Variants in TRAF3IP3 observed in about 807,000 individuals in gnomAD.
TRAF3IP3 encodes the protein TRAF3 interacting protein 3, also known as TRAF3-interacting JNK-activating modulator.
Under a neutral mutation model 86.5 loss-of-function variants are expected in TRAF3IP3, and 64 were observed. The observed-to-expected ratio is 0.74, with a 90% CI of 0.60 to 0.91. The LOEUF is 0.91. TRAF3IP3 is among the 40% of genes least tolerant of loss of function. The pLI is 0.00. For synonymous variants in TRAF3IP3, 220 were observed against 243.9 expected (o/e 0.90, Z 0.91); for missense variants, 579 against 642.9 (o/e 0.90, Z 1.07).
chr1:209,770,782 TGTGTGTGTGTGCATATGGAG>T (rs1558019395), intron 8 of TRAF3IP3, among the ~76,000 whole-genome samples: 8 of 46,796 alleles, frequency 1.7e-4, no homozygotes, highest in African/African-American at 6.3e-4. Context: ...CCTATGGAGG[TGTGTGTGTGTGCATATGGAG>T]GTGTGTGTGT....
chr1:209,777,890 C>T lies in TRAF3IP3; in HGVS notation c.1190-221C>T, dbSNP rs1285320040. Reference sequence around the variant, plus strand: ...TAGAGAGGACTAGATAGTGTGTAAACACAAGCCTCAATGCAACCCAACATT... The same window carrying T: ...TAGAGAGGACTAGATAGTGTGTAAATACAAGCCTCAATGCAACCCAACATT... On this transcript the variant is annotated intron_variant, in intron 12 of 16. Transcript: ENST00000367025. 2.4e-5 allele frequency: 14 copies of T among 592,104 alleles called. No homozygotes were observed. The African/African-American group carries it at 2.4e-4, about 10-fold the overall frequency. 36.7% of individuals were successfully genotyped at this position (592,104 alleles called of 1,614,324 possible).
At chr1:209,759,906 C>T in intron 2 of TRAF3IP3, 76 bp from the exon 3 acceptor site, 2 of 698,810 alleles carry the variant, frequency 2.9e-6, no homozygotes, top group Non-Finnish European at 4.9e-6. Flanking sequence ...ATTTCTGCCC[C>T]CTGGTCTAGG....
intron 1 of TRAF3IP3, among the ~76,000 whole-genome samples, chr1:209,756,563 G>A (rs948099875): frequency 3.9e-5 from 6 of 152,196 alleles, no homozygotes; most frequent in Non-Finnish European, 8.8e-5. Flanking sequence ...TGAGTCAAAC[G>A]ACTTAGAGTT....
intron 6 of TRAF3IP3, 76 bp from the exon 7 acceptor site, chr1:209,763,287 C>A: frequency 6.4e-7 from 1 of 1,554,584 alleles, no homozygotes; most frequent in Non-Finnish European, 8.9e-7. Context: ...CACAAGCCAG[C>A]CCAGGCTCTG....
chr1:209,777,290 G>GC lies in TRAF3IP3; in HGVS notation c.1054-56dup. On this transcript the variant is annotated intron_variant, in intron 11 of 16. Transcript: ENST00000367025. The stretch of plus-strand genomic sequence containing the variant: ...TACATTTTCCTCTTCCATGGTACCC[G>GC]CCCCCCAACCTCCACCCCAACACTG... 7 of 1,433,720 alleles carry GC rather than the reference G, an allele frequency of 4.9e-6. No individual in the cohort carries two copies. In the South Asian group the frequency reaches 8.6e-5, roughly 18 times the overall value. The allele number at this position is 1,433,720 out of a possible 1,614,324, so 88.8% of individuals were successfully genotyped here.
In TRAF3IP3 at chr1:209,760,352, T is replaced by G. The variant is rs757736176; in HGVS notation, c.313T>G (p.Cys105Gly). 1.2e-5 allele frequency: 20 copies of G among 1,609,776 alleles called. No homozygotes were observed. Among genetic ancestry groups the G allele is most frequent in the Non-Finnish European group, 1.7e-5 (20 of 1,178,014 alleles). Residue 105 changes from cysteine to glycine, a missense_variant, in exon 3 of 17, where the codon TGT becomes GGT. Cys to Gly is a radical substitution (Grantham distance 159, BLOSUM62 -3). Transcript: ENST00000367025. ...GACTGTCCTCAAGGAACCCTTGTCT[T>G]GTGCCAGAAGGATTTCTTCTCCCAG... Reference protein sequence around the residue: ...QVTVLKEPLSCARRISSPREQ... With the variant: ...QVTVLKEPLSGARRISSPREQ...
At chr1:209,762,432 T>C in intron 3 of TRAF3IP3, 83 bp from the exon 4 acceptor site, 1 of 1,355,464 alleles carries the variant, frequency 7.4e-7, no homozygotes, top group South Asian at 2.1e-5. Context: ...ACATGATGGT[T>C]AGTTCTTCCT....
chr1:209,767,146 T>A (rs757404257), intron 8 of TRAF3IP3, among the ~76,000 whole-genome samples: 5 of 152,146 alleles, frequency 3.3e-5, no homozygotes, highest in Non-Finnish European at 7.4e-5. Flanking sequence ...ACAAGGTATC[T>A]CAAACTTGAA....
At chr1:209,765,150 A>AGATGACAG (rs1173399332) in intron 8 of TRAF3IP3, among the ~76,000 whole-genome samples, 1 of 145,980 alleles carries the variant, frequency 6.9e-6, no homozygotes, top group African/African-American at 2.5e-5. Context: ...ACTCCAGCCT[A>AGATGACAG]GATGACAGAG....
intron 8 of TRAF3IP3, among the ~76,000 whole-genome samples, chr1:209,767,029 A>C (rs2077370496): frequency 6.6e-6 from 1 of 152,214 alleles, no homozygotes; most frequent in Non-Finnish European, 1.5e-5. Flanking sequence ...ATGGCAAAGA[A>C]TTGGGTATAG....
intron 8 of TRAF3IP3, among the ~76,000 whole-genome samples, chr1:209,772,622 A>G (rs370720619): frequency 1.2e-4 from 18 of 152,166 alleles, no homozygotes; most frequent in African/African-American, 3.1e-4. Flanking sequence ...GTGCCTAGAC[A>G]GGGGAGGGAG....
In TRAF3IP3 at chr1:209,779,360, T is replaced by A. The variant is rs756139482; in HGVS notation, c.1298T>A (p.Leu433His). ...TTACAGCTTCAAGAACAGGAGAAACTCTTAACAAAGAAAGGTCAGCAAATT... is the reference window on the plus strand; with the variant it reads ...TTACAGCTTCAAGAACAGGAGAAACACTTAACAAAGAAAGGTCAGCAAATT... ...QSLQLQEQEKLLTKKDQALPV... is the reference protein window; with the variant it reads ...QSLQLQEQEKHLTKKDQALPV... Residue 433 changes from leucine (L) to histidine (H), a missense_variant, in exon 14 of 17, where the codon CTC (leucine) becomes CAC (histidine). Leu to His is a moderately conservative substitution (Grantham distance 99, BLOSUM62 -3). Coordinates refer to ENST00000367025, the MANE Select transcript of TRAF3IP3 (RefSeq NM_025228.4). 1.9e-6 allele frequency: 3 copies of A among 1,614,040 alleles called. No individual in the cohort carries two copies. In the Admixed American group the frequency reaches 5.0e-5, roughly 27 times the overall value.
chr1:209,780,320 A>C, intron 14 of TRAF3IP3, 150 bp from the exon 15 acceptor site: 1 of 634,172 alleles, frequency 1.6e-6, no homozygotes, highest in Non-Finnish European at 2.4e-6. Flanking sequence ...ACTGGAAGTT[A>C]ACCTTTATGT....
intron 9 of TRAF3IP3, among the ~76,000 whole-genome samples, chr1:209,774,407 G>A (rs1421075297): frequency 6.6e-6 from 1 of 152,092 alleles, no homozygotes; most frequent in African/African-American, 2.4e-5. Flanking sequence ...AGGCATGCAG[G>A]GGATACTATG....
intron 7 of TRAF3IP3, 29 bp from the exon 8 acceptor site, chr1:209,763,463 C>A: frequency 1.2e-6 from 2 of 1,613,200 alleles, no homozygotes; most frequent in Non-Finnish European, 1.7e-6. Context: ...TTAATCTTAC[C>A]CTCTTGCACT....
At chr1:209,757,290 A>G (rs1166090478) in intron 1 of TRAF3IP3, among the ~76,000 whole-genome samples, 1 of 152,222 alleles carries the variant, frequency 6.6e-6, no homozygotes, top group East Asian at 1.9e-4. Flanking sequence ...GCCTGGGTGG[A>G]GAGCCCAGAG....
intron 3 of TRAF3IP3, among the ~76,000 whole-genome samples, chr1:209,761,478 T>A (rs1166975001): frequency 3.3e-5 from 5 of 152,200 alleles, no homozygotes; most frequent in Admixed American, 6.5e-5. Flanking sequence ...CATTGTTCCC[T>A]ACCCAGAGTG....
intron 9 of TRAF3IP3, among the ~76,000 whole-genome samples, chr1:209,773,542 T>C (rs1469381905): frequency 6.6e-6 from 1 of 152,238 alleles, no homozygotes; most frequent in Non-Finnish European, 1.5e-5. Context: ...ATTGGCCTAA[T>C]CTTGGTTTAT....
intron 8 of TRAF3IP3, among the ~76,000 whole-genome samples, chr1:209,769,067 C>T (rs1558016911): frequency 6.6e-6 from 1 of 152,080 alleles, no homozygotes; most frequent in Non-Finnish European, 1.5e-5. Context: ...TGGATTAAAG[C>T]CATACTATGG....
Sources: allele counts gnomAD v4.1 joint callset (sites outside exome capture counted in the v4.1 genomes callset), GRCh38; gene constraint gnomAD v4.1.1; transcripts MANE v1.5; gene names NCBI Gene and HGNC (gene_info 2026-07-23, HGNC 2026-07-21).